NLGN1: variants seen among roughly 807,000 people sequenced by gnomAD.
NLGN1 encodes the protein neuroligin-1.
In NLGN1, 12 loss-of-function variants were observed where a neutral mutation model predicts 65.5. The observed-to-expected ratio is 0.18, with a 90% CI of 0.12 to 0.30. The LOEUF (loss-of-function observed/expected upper bound fraction) is 0.30, where lower values mean the gene tolerates loss of function less well. NLGN1 is among the 10% of genes least tolerant of loss of function. NLGN1 has a pLI of 1.00. For synonymous variants in NLGN1, 350 were observed against 359.5 expected (o/e 0.97, Z 0.30); for missense variants, 750 against 1,007.1 (o/e 0.74, Z 3.46).
chr3:174,129,462 A>G (rs1347839852), intron 4 of NLGN1, among the ~76,000 whole-genome samples: 1 of 151,734 alleles, frequency 6.6e-6, no homozygotes, highest in South Asian at 2.1e-4. Flanking sequence ...AAAATTTACA[A>G]TCACAATCTA....
At position 174,280,197 on chromosome 3, in the gene NLGN1, G is replaced by A. The variant is rs535371704; in HGVS notation, c.1650-284G>A. On this transcript the variant is annotated intron_variant, in intron 6 of 6. Coordinates refer to ENST00000457714, the Ensembl canonical transcript of NLGN1. The surrounding 1 kb of genome is among the most constrained non-coding windows in gnomAD (Gnocchi z 4.9). The stretch of plus-strand genomic sequence containing the variant: ...AGCTTGCCTATGAGACAACTCATAC[G>A]TATGTGAGTATTTAAATAATTCTTT... Among the ~76,000 whole-genome samples, 160 of 152,082 alleles carry A rather than the reference G, an allele frequency of 1.1e-3. 3 individuals carry two copies. The South Asian group carries it at 0.028, about 27-fold the overall frequency.
chr3:173,664,284 A>T (rs1371028861), intron 3 of NLGN1, among the ~76,000 whole-genome samples: 1 of 152,084 alleles, frequency 6.6e-6, no homozygotes, highest in East Asian at 1.9e-4. Flanking sequence ...CTTTAAAAAA[A>T]TTCAAATGGT....
chr3:173,973,819 A>G (rs1716824286), intron 4 of NLGN1, among the ~76,000 whole-genome samples: 2 of 152,102 alleles, frequency 1.3e-5, no homozygotes, highest in Admixed American at 6.6e-5. Context: ...TGGTAGTTTT[A>G]TGCTTATTAT....
At chr3:173,430,811 C>T (rs952934288) in intron 1 of NLGN1, among the ~76,000 whole-genome samples, 1 of 152,174 alleles carries the variant, frequency 6.6e-6, no homozygotes, top group African/African-American at 2.4e-5. Context: ...TCTTTACATA[C>T]CAGCTCCTCT....
chr3:174,054,446 A>G (rs1024335300), intron 4 of NLGN1, among the ~76,000 whole-genome samples: 1 of 152,058 alleles, frequency 6.6e-6, no homozygotes, highest in African/African-American at 2.4e-5. Context: ...TGAGTTCTAT[A>G]AGAAGAAATT....
intron 4 of NLGN1, among the ~76,000 whole-genome samples, chr3:173,949,192 T>A (rs1392403712): frequency 6.6e-6 from 1 of 152,106 alleles, no homozygotes; most frequent in Non-Finnish European, 1.5e-5. Context: ...TTAGATGCCT[T>A]TTATTATACT....
intron 4 of NLGN1, among the ~76,000 whole-genome samples, chr3:173,959,234 C>T (rs1712931685): frequency 6.6e-6 from 1 of 152,230 alleles, no homozygotes. Flanking sequence ...GGCTGGGCTC[C>T]TACCTGCTCT....
At chr3:174,275,620 A>T in intron 5 of NLGN1, 93 bp downstream of exon 5, 1 of 752,406 alleles carries the variant, frequency 1.3e-6, no homozygotes, top group Non-Finnish European at 2.3e-6. Context: ...CTCTGTTCAA[A>T]CTGAGTGTTA....
At chr3:173,518,581 T>C (rs547504578) in intron 2 of NLGN1, among the ~76,000 whole-genome samples, 3 of 151,692 alleles carry the variant, frequency 2.0e-5, no homozygotes, top group African/African-American at 7.2e-5. Context: ...GTGTGAGATA[T>C]GAGTTGCAGA....
rs1760569330 is a variant in NLGN1, at chr3:173,659,331, A to G, written c.493+54240A>G. ...TTAAAGAAAGGGCATTTGTTTTGTA[A>G]CTTTTTTCAAATGAACAAATTGGTG... On this transcript the variant is annotated intron_variant, in intron 3 of 6. Transcript: ENST00000457714. Among the ~76,000 whole-genome samples, 7 of 152,064 alleles carry G rather than the reference A, an allele frequency of 4.6e-5. No homozygotes were observed. In the South Asian group the frequency reaches 1.5e-3, roughly 32 times the overall value.
At chr3:174,251,100 C>T (rs1054524661) in intron 4 of NLGN1, among the ~76,000 whole-genome samples, 1 of 150,690 alleles carries the variant, frequency 6.6e-6, no homozygotes, top group Non-Finnish European at 1.5e-5. Context: ...ATTTTAAAAA[C>T]CAAAAGGAAA....
chr3:174,230,298 A>C (rs1290773798), intron 4 of NLGN1, among the ~76,000 whole-genome samples: 1 of 152,236 alleles, frequency 6.6e-6, no homozygotes, highest in African/African-American at 2.4e-5. Context: ...TTATTTGTGA[A>C]AAACATGTAA....
chr3:173,677,341 T>G (rs573183304), intron 3 of NLGN1, among the ~76,000 whole-genome samples: 5 of 152,030 alleles, frequency 3.3e-5, no homozygotes, highest in Non-Finnish European at 7.4e-5. Context: ...ACATCCAGGC[T>G]AGTACAGAAA....
chr3:173,415,326 AG>A (rs1459801534), intron 1 of NLGN1, among the ~76,000 whole-genome samples: 9 of 152,266 alleles, frequency 5.9e-5, no homozygotes, highest in Admixed American at 3.9e-4. Flanking sequence ...AGGAAGTAGG[AG>A]GGGGGATAAT....
chr3:173,542,002 C>T (rs1325792001), intron 2 of NLGN1, among the ~76,000 whole-genome samples: 2 of 152,024 alleles, frequency 1.3e-5, no homozygotes, highest in African/African-American at 4.8e-5. Flanking sequence ...TAATTTTCTA[C>T]TACATCCATC....
intron 4 of NLGN1, among the ~76,000 whole-genome samples, chr3:173,810,159 A>T (rs898446769): frequency 2.0e-5 from 3 of 152,220 alleles, no homozygotes; most frequent in Non-Finnish European, 4.4e-5. Context: ...GTGAAAATGT[A>T]TTTAAATAAA....
chr3:174,283,470 AT>A (rs892620015), exon 7 of NLGN1: 1 of 151,482 alleles, frequency 6.6e-6, no homozygotes, highest in African/African-American at 2.4e-5. Context: ...GAAAAGGTCT[AT>A]TGAAAAGAAA....
chr3:174,232,406 A>T (rs1269859064), intron 4 of NLGN1, among the ~76,000 whole-genome samples: 1 of 152,192 alleles, frequency 6.6e-6, no homozygotes, highest in Non-Finnish European at 1.5e-5. Flanking sequence ...CACAGGGGAT[A>T]TGATGGCTTA....
intron 1 of NLGN1, among the ~76,000 whole-genome samples, chr3:173,431,651 A>G (rs1455319307): frequency 6.6e-6 from 1 of 152,112 alleles, no homozygotes; most frequent in Admixed American, 6.6e-5. Context: ...ATTCTTGCAT[A>G]TCCTCTTCTA....
Sources: gnomAD v4.1 joint callset for allele counts (sites outside exome capture counted in the v4.1 genomes callset) on GRCh38, gnomAD v4.1.1 for gene constraint, Gnocchi (gnomAD v3.1) non-coding constraint, MANE v1.5 for transcripts, NCBI Gene and HGNC (gene_info 2026-07-23, HGNC 2026-07-21) for gene names.